WNT4: variants seen among roughly 807,000 people sequenced by gnomAD.
WNT4 encodes Wnt family member 4.
In WNT4, 16 loss-of-function variants were observed where a neutral mutation model predicts 34.5. That is an observed-to-expected ratio of 0.46 (90% confidence interval 0.31 to 0.70). The LOEUF (loss-of-function observed/expected upper bound fraction) is 0.70. Ranked by LOEUF, WNT4 falls within the 30% of genes least tolerant of loss-of-function variation. WNT4 has a pLI of 0.04. For synonymous variants in WNT4, 200 were observed against 211.9 expected (o/e 0.94, Z 0.49); for missense variants, 379 against 495.9 (o/e 0.76, Z 2.24).
chr1:22,140,404 C>G lies in WNT4; in HGVS notation c.77+2442G>C, dbSNP rs892207134. 8.6e-6 allele frequency: 3 copies of G among 348,624 alleles called. No individual in the cohort carries two copies. The highest frequency in any genetic ancestry group is 6.7e-5 in the African/African-American group (3 of 45,030). 21.6% of individuals were successfully genotyped at this position (348,624 alleles called of 1,614,324 possible). ...ATTTAGATCATGCTGTGGGAGTCAT[C>G]ATAATAATTATTATTGTCATGATCA... is the stretch of plus-strand genomic sequence containing the variant. On this transcript the variant is annotated intron_variant, in intron 1 of 4. Transcript: ENST00000290167. This position sits in a 1 kb window ranked among gnomAD's most constrained non-coding sequence, Gnocchi z 5.9.
At chr1:22,141,748 T>C (rs1401703622) in intron 1 of WNT4, among the ~76,000 whole-genome samples, 2 of 152,150 alleles carry the variant, frequency 1.3e-5, no homozygotes, top group African/African-American at 2.4e-5. Flanking sequence ...GCAACAGCCA[T>C]TGGACACTCG....
At chr1:22,130,861 T>C (rs1167500778) in intron 1 of WNT4, among the ~76,000 whole-genome samples, 3 of 152,252 alleles carry the variant, frequency 2.0e-5, no homozygotes, top group Non-Finnish European at 2.9e-5. Flanking sequence ...GTCCTACTTA[T>C]GGGAATTCTT....
At position 22,142,810 on chromosome 1, in the gene WNT4, C is replaced by T. The variant is rs1351252709; in HGVS notation, c.77+36G>A. 4 of 1,148,758 alleles carry T rather than the reference C, an allele frequency of 3.5e-6. No homozygotes were observed. Among genetic ancestry groups the T allele is most frequent in the Non-Finnish European group, 4.4e-6 (4 of 912,312 alleles). 71.2% of individuals were successfully genotyped at this position (1,148,758 alleles called of 1,614,324 possible). On this transcript the variant is annotated intron_variant, in intron 1 of 4. Transcript: ENST00000290167. The surrounding 1 kb of genome is among the most constrained non-coding windows in gnomAD (Gnocchi z 6.0). ...GCCGCTGCCCCCGGGGCCTGCCCCG[C>T]CCCGCCCCGCCCCGCTCGGCCCCGG...
rs1219220809 is a variant in WNT4, at chr1:22,142,445, T to A, written c.77+401A>T. On this transcript the variant is annotated intron_variant, in intron 1 of 4. Coordinates refer to ENST00000290167, the MANE Select transcript of WNT4 (RefSeq NM_030761.5). The surrounding 1 kb of genome is among the most constrained non-coding windows in gnomAD (Gnocchi z 6.0). ...CGCTCCGGACTTCTCGGGATTAACC[T>A]GCTATTATGTCCCGGAGCCCTTCCC... Among the ~76,000 whole-genome samples the A allele has an allele frequency of 6.6e-6, 1 of 152,160 alleles. No homozygotes were observed. Among genetic ancestry groups the A allele is most frequent in the African/African-American group, 2.4e-5 (1 of 41,446 alleles).
rs1250846751 is a variant in WNT4 at position 22,118,093 on chromosome 1, G to C, written c.*1957C>G. The C allele has an allele frequency of 6.6e-6, 1 of 152,228 alleles. No individual in the cohort carries two copies. The highest frequency in any genetic ancestry group is 1.9e-4 in the East Asian group (1 of 5,184). 9.4% of individuals were successfully genotyped at this position (152,228 alleles called of 1,614,324 possible). ...CTCACTTGGTTTTGGCTTCCTCCTTGTATGGACATTGAGCAGAGATCTTGG... is the reference window on the plus strand; with the variant it reads ...CTCACTTGGTTTTGGCTTCCTCCTTCTATGGACATTGAGCAGAGATCTTGG... On this transcript the variant is annotated 3_prime_UTR_variant, in exon 5 of 5. Transcript: ENST00000290167.
chr1:22,120,710 G>A (rs550606835), intron 4 of WNT4, among the ~76,000 whole-genome samples, 193 bp from the exon 5 acceptor site: 20 of 152,366 alleles, frequency 1.3e-4, no homozygotes, highest in Non-Finnish European at 2.8e-4. Context: ...ACGAGGTACT[G>A]TCCCTGCACT....
At position 22,130,190 on chromosome 1, in the gene WNT4, A is replaced by G. The variant is rs566367152; in HGVS notation, c.78-339T>C. ...CCAGGACGTCACCCCAGACCTGGCT[A>G]TGGGATCCCACTGTTCCCTGCCGAG... On this transcript the variant is annotated intron_variant, in intron 1 of 4. Transcript: ENST00000290167. Among the ~76,000 whole-genome samples, 4 of 152,168 alleles carry G rather than the reference A, an allele frequency of 2.6e-5. No individual in the cohort carries two copies. The East Asian group carries it at 7.7e-4, about 29-fold the overall frequency.
chr1:22,121,170 T>C, intron 4 of WNT4, 41 bp downstream of exon 4: 1 of 1,612,486 alleles, frequency 6.2e-7, no homozygotes, highest in Non-Finnish European at 8.5e-7. Flanking sequence ...CTGCCCATGC[T>C]ATCCCTACCC....
chr1:22,131,270 TGTCAGG>T (rs1254733002), intron 1 of WNT4, among the ~76,000 whole-genome samples: 1 of 152,252 alleles, frequency 6.6e-6, no homozygotes, highest in Non-Finnish European at 1.5e-5. Flanking sequence ...AAATTTTATT[TGTCAGG>T]TATGTGGGTT....
rs1427315296 is a variant in WNT4, at chr1:22,118,603, A to C, written c.*1447T>G. 1 of 152,110 alleles carries C rather than the reference A, an allele frequency of 6.6e-6. No individual in the cohort carries two copies. The highest frequency in any genetic ancestry group is 2.4e-5 in the African/African-American group (1 of 41,382). The allele number at this position is 152,110 out of a possible 1,614,324, so 9.4% of individuals were successfully genotyped here. ...GGGAGGGGTGCACCACACTGCTGAGACCTCACTGTCAGCCTTCCAGCTGTT... is the reference window on the plus strand; with the variant it reads ...GGGAGGGGTGCACCACACTGCTGAGCCCTCACTGTCAGCCTTCCAGCTGTT... On this transcript the variant is annotated 3_prime_UTR_variant, in exon 5 of 5. Coordinates refer to ENST00000290167, the MANE Select transcript of WNT4 (RefSeq NM_030761.5).
chr1:22,135,593 GGGT>G (rs1426967266), intron 1 of WNT4, among the ~76,000 whole-genome samples: 2 of 152,148 alleles, frequency 1.3e-5, no homozygotes, highest in Admixed American at 1.3e-4. Flanking sequence ...ACAGATGTCT[GGGT>G]GGTTACGGGA....
In WNT4 at chr1:22,142,942, G is replaced by C; in HGVS notation, c.-20C>G. On this transcript the variant is annotated 5_prime_UTR_variant, in exon 1 of 5. Transcript: ENST00000290167. This position sits in a 1 kb window ranked among gnomAD's most constrained non-coding sequence, Gnocchi z 6.0. The stretch of plus-strand genomic sequence containing the variant: ...ACTCATGGTGCCGCCGCGGGCGCCC[G>C]GCCCGGGGCAGCGGCTGCGGCCGCG... The C allele has an allele frequency of 2.8e-6, 3 of 1,085,142 alleles. No individual in the cohort carries two copies. The highest frequency in any genetic ancestry group is 2.3e-6 in the Non-Finnish European group (2 of 883,716). 67.2% of individuals were successfully genotyped at this position (1,085,142 alleles called of 1,614,324 possible).
At chr1:22,131,073 C>T (rs1229030641) in intron 1 of WNT4, among the ~76,000 whole-genome samples, 1 of 152,266 alleles carries the variant, frequency 6.6e-6, no homozygotes, top group Non-Finnish European at 1.5e-5. Flanking sequence ...TTGAGCAGGA[C>T]TTGAACCTGG....
chr1:22,129,509 C>CA, intron 2 of WNT4, 107 bp downstream of exon 2: 1 of 1,352,634 alleles, frequency 7.4e-7, no homozygotes. Context: ...GGTTTTGCTT[C>CA]AGAAATGACC....
Position 22,120,405 on chromosome 1 carries a change from A to G in WNT4, c.701T>C (p.Leu234Pro). 1 of 1,614,044 alleles carries G rather than the reference A, an allele frequency of 6.2e-7. No individual in the cohort carries two copies. The highest frequency in any genetic ancestry group is 8.5e-7 in the Non-Finnish European group (1 of 1,179,984). Reference sequence around the variant, plus strand: ...AGTGGCACCATCAAACTTCTCCTTCAGTGCGTGACCCACCTGGCGGAAGGG... The same window carrying G: ...AGTGGCACCATCAAACTTCTCCTTCGGTGCGTGACCCACCTGGCGGAAGGG... ...VPPFRQVGHALKEKFDGATEV... is the reference protein window; with the variant it reads ...VPPFRQVGHAPKEKFDGATEV... Residue 234 changes from leucine (L) to proline (P), a missense_variant, in exon 5 of 5, where the codon CTG becomes CCG. Leu to Pro is a moderately conservative substitution (Grantham distance 98, BLOSUM62 -3). Transcript: ENST00000290167.
intron 1 of WNT4, among the ~76,000 whole-genome samples, chr1:22,138,392 G>A (rs928348511): frequency 6.7e-6 from 1 of 148,702 alleles, no homozygotes; most frequent in African/African-American, 2.5e-5. Flanking sequence ...ATTCCTGGGG[G>A]AATGATTTTG....
chr1:22,123,606 C>CT (rs1645918805), intron 2 of WNT4, among the ~76,000 whole-genome samples: 1 of 152,196 alleles, frequency 6.6e-6, no homozygotes, highest in African/African-American at 2.4e-5. Context: ...ACTTTTCATC[C>CT]TTCTTTGACA....
chr1:22,126,309 A>G (rs1350012791), intron 2 of WNT4, among the ~76,000 whole-genome samples: 1 of 152,180 alleles, frequency 6.6e-6, no homozygotes, highest in Non-Finnish European at 1.5e-5. Flanking sequence ...TGTGGGGGTC[A>G]GTTAGCTCTT....
intron 2 of WNT4, among the ~76,000 whole-genome samples, chr1:22,121,971 C>T (rs369195326): frequency 3.3e-5 from 5 of 152,162 alleles, no homozygotes; most frequent in East Asian, 3.9e-4. Context: ...CCAGAAGGTT[C>T]GTGAAGGTTT....
Sources: gnomAD v4.1 joint callset for allele counts (sites outside exome capture counted in the v4.1 genomes callset) on GRCh38, gnomAD v4.1.1 for gene constraint, Gnocchi (gnomAD v3.1) non-coding constraint, MANE v1.5 for transcripts, NCBI Gene and HGNC (gene_info 2026-07-23, HGNC 2026-07-21) for gene names.